Variants in ALPK2 observed in about 807,000 individuals in gnomAD.
ALPK2 encodes alpha kinase 2.
A neutral mutation model predicts 163.1 loss-of-function variants in ALPK2; 127 were observed. The ratio of observed to expected loss-of-function variants is 0.78; its 90% CI spans 0.67 to 0.90. ALPK2 has a LOEUF of 0.90. ALPK2 is among the 40% of genes least tolerant of loss of function. The pLI is 0.00. For missense variants in ALPK2, 2,360 were observed against 2,589.6 expected (o/e 0.91, Z 1.92); for synonymous variants, 953 against 959.1 (o/e 0.99, Z 0.12).
At chr18:58,609,859 C>T (rs576126417) in intron 2 of ALPK2, among the ~76,000 whole-genome samples, 1 of 152,182 alleles carries the variant, frequency 6.6e-6, no homozygotes, top group African/African-American at 2.4e-5. Flanking sequence ...GAGGGCTCTG[C>T]TCTGAAGACT....
At chr18:58,499,391 T>C (rs926413192) in intron 11 of ALPK2, among the ~76,000 whole-genome samples, 4 of 152,306 alleles carry the variant, frequency 2.6e-5, no homozygotes, top group Middle Eastern at 3.4e-3. Context: ...TCCCCTTCTG[T>C]AGTGGAAAGA....
chr18:58,584,314 G>C (rs1290523521), intron 3 of ALPK2, among the ~76,000 whole-genome samples: 2 of 152,182 alleles, frequency 1.3e-5, no homozygotes, highest in African/African-American at 2.4e-5. Flanking sequence ...CTAAAGAAGA[G>C]GGGAAGAAAA....
chr18:58,592,803 G>A (rs1272987967), intron 3 of ALPK2, among the ~76,000 whole-genome samples: 2 of 152,220 alleles, frequency 1.3e-5, no homozygotes, highest in Non-Finnish European at 2.9e-5. Context: ...TCACATGCCG[G>A]CCCATCTGCT....
intron 4 of ALPK2, among the ~76,000 whole-genome samples, chr18:58,569,858 C>A (rs539932516): frequency 6.6e-6 from 1 of 152,134 alleles, no homozygotes; most frequent in African/African-American, 2.4e-5. Flanking sequence ...TGGCTGGGCG[C>A]GGTGGCTCAT....
rs1426377552 is a variant in ALPK2, at chr18:58,579,753, A to G, written c.1023T>C (p.Asn341=). The change falls in exon 4 of 13, where the codon AAT becomes AAC. Residue 341 remains asparagine, a synonymous_variant. Coordinates refer to ENST00000361673, the MANE Select transcript of ALPK2 (RefSeq NM_052947.4). ...ECSDVMTDYS[N]AVWQRNLLGT... ...CCAGCAGGTTCCTTTGCCAAACTGC[A>G]TTAGAGTAATCCGTCATAACATCAG... The G allele has an allele frequency of 2.5e-6, 4 of 1,614,264 alleles. No individual in the cohort carries two copies. Among genetic ancestry groups the G allele is most frequent in the Middle Eastern group, 3.3e-4 (2 of 6,062 alleles).
Position 58,578,948 on chromosome 18 carries a change from G to C in ALPK2, c.1828C>G (p.Gln610Glu), listed in dbSNP as rs1268952209. The C allele has an allele frequency of 6.2e-7, 1 of 1,614,032 alleles. No individual in the cohort carries two copies. The highest frequency in any genetic ancestry group is 8.5e-7 in the Non-Finnish European group (1 of 1,180,034). ...RECAISTQAEQEAKTLQTSTD... is the reference protein window; with the variant it reads ...RECAISTQAEEEAKTLQTSTD... Reference sequence around the variant, plus strand: ...GAAGTTTGAAGGGTTTTTGCTTCTTGCTCTGCCTGGGTTGAAATAGCACAT... The same window carrying C: ...GAAGTTTGAAGGGTTTTTGCTTCTTCCTCTGCCTGGGTTGAAATAGCACAT... The change falls in exon 4 of 13, where the codon CAA (glutamine) becomes GAA (glutamate). Residue 610 changes from glutamine to glutamate, a missense_variant. By Grantham distance (29) the Gln-to-Glu change is conservative. Transcript: ENST00000361673.
intron 4 of ALPK2, among the ~76,000 whole-genome samples, chr18:58,569,915 T>G (rs1005929844): frequency 2.6e-5 from 4 of 151,748 alleles, no homozygotes; most frequent in East Asian, 1.9e-4. Flanking sequence ...CGGATCACAA[T>G]GTCAGGAGGT....
In ALPK2 at chr18:58,529,103, T is replaced by A; in HGVS notation, c.5489A>T (p.Gln1830Leu). 1 of 1,614,136 alleles carries A rather than the reference T, an allele frequency of 6.2e-7. No homozygotes were observed. Among genetic ancestry groups the A allele is most frequent in the Admixed American group, 1.7e-5 (1 of 60,024 alleles). Residue 1830 changes from glutamine to leucine, a missense_variant, in exon 6 of 13, where the codon CAA becomes CTA. By Grantham distance (113) the Gln-to-Leu change is moderately radical. Coordinates refer to ENST00000361673, the MANE Select transcript of ALPK2 (RefSeq NM_052947.4). Reference protein sequence around the residue: ...CWTKDSKSIAQVQRSAGDNST... With the variant: ...CWTKDSKSIALVQRSAGDNST... ...AAAAACATCGCACCTTCTCTGCACTTGGGCTATGGACTTTGAATCTTTTGT... is the reference window on the plus strand; with the variant it reads ...AAAAACATCGCACCTTCTCTGCACTAGGGCTATGGACTTTGAATCTTTTGT...
intron 12 of ALPK2, among the ~76,000 whole-genome samples, chr18:58,484,176 C>T (rs570980828): frequency 1.3e-5 from 2 of 152,210 alleles, no homozygotes; most frequent in South Asian, 2.1e-4. Context: ...GTTCAGAATG[C>T]GTTTTCATTT....
chr18:58,576,396 T>G (rs983662584), intron 4 of ALPK2, among the ~76,000 whole-genome samples: 12 of 151,956 alleles, frequency 7.9e-5, no homozygotes, highest in Non-Finnish European at 1.8e-4. Flanking sequence ...GGAAAAAGAG[T>G]GGGCAAATTT....
intron 2 of ALPK2, among the ~76,000 whole-genome samples, chr18:58,610,004 TCTG>T (rs1369031881): frequency 1.3e-5 from 2 of 152,120 alleles, no homozygotes; most frequent in Admixed American, 6.5e-5. Context: ...TATGACAACT[TCTG>T]CTAGCGAAAG....
chr18:58,595,695 A>C (rs144581380), intron 3 of ALPK2, among the ~76,000 whole-genome samples: 80 of 152,298 alleles, frequency 5.3e-4, no homozygotes, highest in African/African-American at 1.6e-3. Context: ...GGATATAAGC[A>C]TCAATACTTT....
At chr18:58,498,130 T>C (rs756778221) in intron 11 of ALPK2, 33 bp from the exon 12 acceptor site, 2 of 1,612,492 alleles carry the variant, frequency 1.2e-6, no homozygotes, top group Non-Finnish European at 1.7e-6. Context: ...TGGGAGTTTG[T>C]GTTACTCAGG....
At position 58,609,335 on chromosome 18, in the gene ALPK2, C is replaced by T. The variant is rs1250379322; in HGVS notation, c.110-1896G>A. ...TAAAAAGACACCAAAAAATGGGCTT[C>T]CCTGAAAAACCATCAAGGGGTTTCT... On this transcript the variant is annotated intron_variant, in intron 2 of 12. Transcript: ENST00000361673. Among the ~76,000 whole-genome samples, 3 of 152,184 alleles carry T rather than the reference C, an allele frequency of 2.0e-5. No homozygotes were observed. The East Asian group carries it at 5.8e-4, about 29-fold the overall frequency.
chr18:58,614,596 T>C (rs376607168), intron 1 of ALPK2, among the ~76,000 whole-genome samples: 16 of 152,346 alleles, frequency 1.1e-4, no homozygotes, highest in East Asian at 3.9e-4. Context: ...TGGATATCAA[T>C]TGGTATTTTT....
At chr18:58,562,038 A>G (rs139249011) in intron 4 of ALPK2, among the ~76,000 whole-genome samples, 3 of 152,260 alleles carry the variant, frequency 2.0e-5, no homozygotes, top group Non-Finnish European at 4.4e-5. Context: ...ACCCGCTTCA[A>G]TTTGTGCTGT....
chr18:58,535,995 T>G lies in ALPK2; in HGVS notation c.4192A>C (p.Ile1398Leu). The G allele has an allele frequency of 6.2e-7, 1 of 1,614,064 alleles. No individual in the cohort carries two copies. The highest frequency in any genetic ancestry group is 8.5e-7 in the Non-Finnish European group (1 of 1,179,964). Reference sequence around the variant, plus strand: ...ATGGGATCTACAGAGGACTCTAGGATTTTAGGGCAGGTCAGAAACTTTTTA... The same window carrying G: ...ATGGGATCTACAGAGGACTCTAGGAGTTTAGGGCAGGTCAGAAACTTTTTA... ...FFKKFLTCPK[I>L]LESSVDPIDE... The change falls in exon 5 of 13, where the codon ATC becomes CTC. Residue 1398 changes from isoleucine (I) to leucine (L), a missense_variant. By Grantham distance (5) the Ile-to-Leu change is conservative. Transcript: ENST00000361673.
chr18:58,600,162 G>A (rs558289215), intron 3 of ALPK2, among the ~76,000 whole-genome samples: 7 of 147,414 alleles, frequency 4.7e-5, no homozygotes, highest in East Asian at 2.1e-4. Context: ...TCAGCCTCCC[G>A]AGTAGCTGGG....
Position 58,537,342 on chromosome 18 carries a change from C to G in ALPK2, c.2845G>C (p.Glu949Gln). The change falls in exon 5 of 13, where the codon GAG becomes CAG. Residue 949 changes from glutamate (E) to glutamine (Q), a missense_variant. By Grantham distance (29) the Glu-to-Gln change is conservative (BLOSUM62 2). Transcript: ENST00000361673. ...TTAAATTGCACTAAAGGATTGTTCT[C>G]AGAAGAAAGGAGCTGTGTTTCATCA... The part of the protein sequence containing the change: ...GLDETQLLSS[E>Q]NNPLVQFKEG... The G allele has an allele frequency of 6.2e-7, 1 of 1,614,040 alleles. No homozygotes were observed. The highest frequency in any genetic ancestry group is 8.5e-7 in the Non-Finnish European group (1 of 1,179,974).
Sources: allele counts gnomAD v4.1 joint callset (sites outside exome capture counted in the v4.1 genomes callset), GRCh38; gene constraint gnomAD v4.1.1; transcripts MANE v1.5; gene names NCBI Gene and HGNC (gene_info 2026-07-23, HGNC 2026-07-21).